Variants in ORC5 observed in about 807,000 individuals in gnomAD.
ORC5 encodes the protein protein phosphatase 1, regulatory subunit 117.
A neutral mutation model predicts 58.8 loss-of-function variants in ORC5; 39 were observed. That is an observed-to-expected ratio of 0.66 (90% CI 0.51 to 0.87). The LOEUF is 0.87. Ranked by LOEUF, ORC5 falls within the 40% of genes least tolerant of loss-of-function variation. ORC5 has a pLI of 0.00. For synonymous variants in ORC5, 218 were observed against 177.6 expected, an observed-to-expected ratio of 1.23 and a Z score of -1.81; for missense variants, 493 against 506.3, an observed-to-expected ratio of 0.97 and a Z score of 0.25.
intron 6 of ORC5, among the ~76,000 whole-genome samples, chr7:104,185,801 T>C (rs183409435): frequency 6.6e-6 from 1 of 151,182 alleles, no homozygotes; most frequent in African/African-American, 2.4e-5. Flanking sequence ...TTAAAAAAAA[T>C]ATATATATAT....
intron 12 of ORC5, among the ~76,000 whole-genome samples, chr7:104,143,158 T>C (rs1798701783): frequency 6.6e-6 from 1 of 152,314 alleles, no homozygotes; most frequent in African/African-American, 2.4e-5. Flanking sequence ...CTTAGTACTT[T>C]TTTTTTAATA....
intron 2 of ORC5, among the ~76,000 whole-genome samples, chr7:104,201,627 TAAA>T (rs59970161): frequency 0.12 from 16,112 of 131,334 alleles, 1,491 homozygotes; most frequent in African/African-American, 0.28. Context: ...CTGTCACTAT[TAAA>T]AAAAAAAAAA....
intron 12 of ORC5, among the ~76,000 whole-genome samples, chr7:104,153,383 A>G (rs1798875802): frequency 6.6e-6 from 1 of 152,122 alleles, no homozygotes; most frequent in Non-Finnish European, 1.5e-5. Context: ...AGAATCTAGA[A>G]AAGAGCCGGC....
chr7:104,144,688 C>G lies in ORC5; in HGVS notation c.1150-7795G>C, dbSNP rs184611032. On this transcript the variant is annotated intron_variant, in intron 12 of 13. Coordinates refer to ENST00000297431, the MANE Select transcript of ORC5 (RefSeq NM_002553.4). The stretch of plus-strand genomic sequence containing the variant: ...AGGAGAATCGCTTTAACTTGGGAGG[C>G]GGAGATTGCAGTGAGCTGAGATCGT... Among the ~76,000 whole-genome samples, 504 of 152,166 alleles carry G rather than the reference C, an allele frequency of 3.3e-3. 1 individual carries two copies. Among genetic ancestry groups the G allele is most frequent in the Non-Finnish European group, 4.3e-3 (293 of 67,996 alleles).
At chr7:104,186,210 T>A (rs1304191783) in intron 6 of ORC5, among the ~76,000 whole-genome samples, 1 of 133,200 alleles carries the variant, frequency 7.5e-6, no homozygotes, top group Non-Finnish European at 1.5e-5. Flanking sequence ...TGTCTACAGA[T>A]TTTTTTTTTT....
chr7:104,126,789 G>T lies in ORC5; in HGVS notation c.*59C>A. The stretch of plus-strand genomic sequence containing the variant: ...CTCTCCTTGGCCAGCTAAGTAGCTG[G>T]ATGAACACAGCTTGGCTTAGTCATT... On this transcript the variant is annotated 3_prime_UTR_variant, in exon 14 of 14. Transcript: ENST00000297431. 2 of 1,319,298 alleles carry T rather than the reference G, an allele frequency of 1.5e-6. No homozygotes were observed. Among genetic ancestry groups the T allele is most frequent in the Non-Finnish European group, 2.2e-6 (2 of 927,716 alleles). 81.7% of individuals were successfully genotyped at this position (1,319,298 alleles called of 1,614,324 possible). A position where few individuals can be genotyped will look rare whatever the true frequency, so the allele number is the denominator to read the frequency against.
At chr7:104,196,192 A>G (rs766192406) in intron 4 of ORC5, among the ~76,000 whole-genome samples, 5 of 152,080 alleles carry the variant, frequency 3.3e-5, no homozygotes, top group Non-Finnish European at 5.9e-5. Flanking sequence ...GATCACCATT[A>G]CTGGGCATAA....
At chr7:104,140,627 G>C (rs556447726) in intron 12 of ORC5, among the ~76,000 whole-genome samples, 3 of 152,110 alleles carry the variant, frequency 2.0e-5, no homozygotes, top group African/African-American at 7.2e-5. Flanking sequence ...TGGGAACCTG[G>C]GTGTCACTGT....
chr7:104,152,024 T>C (rs946602161), intron 12 of ORC5, among the ~76,000 whole-genome samples: 2 of 152,200 alleles, frequency 1.3e-5, no homozygotes, highest in South Asian at 2.1e-4. Context: ...TGTATGTCTA[T>C]AGATGGGCAG....
chr7:104,197,790 T>C lies in ORC5; in HGVS notation c.376A>G (p.Lys126Glu). 2 of 1,565,624 alleles carry C rather than the reference T, an allele frequency of 1.3e-6. No homozygotes were observed. The highest frequency in any genetic ancestry group is 2.0e-5 in the Admixed American group (1 of 50,328). ...KDQTVYIVLDKAEYLRDMEAN... is the reference protein window; with the variant it reads ...KDQTVYIVLDEAEYLRDMEAN... Reference sequence around the variant, plus strand: ...TCCATATCTCTTAGATACTCTGCTTTATCTAGAACCTTTAAAAAACAAAAA... The same window carrying C: ...TCCATATCTCTTAGATACTCTGCTTCATCTAGAACCTTTAAAAAACAAAAA... The change falls in exon 4 of 14, where the codon AAA (lysine) becomes GAA (glutamate). Residue 126 changes from lysine (K) to glutamate (E), a missense_variant. Around this residue, in one of 3 missense-constraint regions of ORC5, gnomAD observed 412 missense variants for 403.7 expected, o/e 1.02. Transcript: ENST00000297431.
chr7:104,207,973 C>T lies in ORC5; in HGVS notation c.-69G>A. On this transcript the variant is annotated 5_prime_UTR_variant, in exon 1 of 14. Transcript: ENST00000297431. ...GACCCTTGCACAAGACGGAGCCTCT[C>T]CCGAGTCTGGCGGCCCACGCTCCCG... 1 of 1,446,758 alleles carries T rather than the reference C, an allele frequency of 6.9e-7. No individual in the cohort carries two copies. The highest frequency in any genetic ancestry group is 9.7e-7 in the Non-Finnish European group (1 of 1,035,286). The allele number at this position is 1,446,758 out of a possible 1,614,324, so 89.6% of individuals were successfully genotyped here. A position where few individuals can be genotyped will look rare whatever the true frequency, so the allele number is the denominator to read the frequency against.
intron 8 of ORC5, 139 bp downstream of exon 8, chr7:104,183,804 T>C (rs1213122045): frequency 2.0e-5 from 12 of 607,406 alleles, no homozygotes; most frequent in Non-Finnish European, 3.2e-5. Context: ...TACTACAGCA[T>C]GTGCTTTCCC....
At chr7:104,174,098 C>T (rs1048330761) in intron 8 of ORC5, among the ~76,000 whole-genome samples, 9 of 152,052 alleles carry the variant, frequency 5.9e-5, no homozygotes, top group African/African-American at 1.9e-4. Context: ...CCCGCCTCGG[C>T]CTCCCAAAGT....
intron 8 of ORC5, among the ~76,000 whole-genome samples, chr7:104,175,431 G>C (rs1177034621): frequency 6.6e-6 from 1 of 152,062 alleles, no homozygotes; most frequent in Non-Finnish European, 1.5e-5. Context: ...AGAAACAAAG[G>C]GGGAAAAAGT....
At chr7:104,191,738 T>C (rs1799681795) in intron 5 of ORC5, among the ~76,000 whole-genome samples, 1 of 151,978 alleles carries the variant, frequency 6.6e-6, no homozygotes, top group Non-Finnish European at 1.5e-5. Context: ...ATCCCATCTA[T>C]AATAGAAAGC....
At chr7:104,175,859 T>C (rs184258339) in intron 8 of ORC5, among the ~76,000 whole-genome samples, 3 of 152,342 alleles carry the variant, frequency 2.0e-5, no homozygotes, top group Admixed American at 1.3e-4. Flanking sequence ...TTACTAATTC[T>C]AGGATACTTG....
chr7:104,203,700 T>G (rs921134208), intron 2 of ORC5, among the ~76,000 whole-genome samples: 3 of 152,298 alleles, frequency 2.0e-5, no homozygotes, highest in Admixed American at 6.5e-5. Context: ...TAAATTCAGC[T>G]CATGAAAGGT....
intron 4 of ORC5, among the ~76,000 whole-genome samples, chr7:104,196,020 G>C (rs918438821): frequency 6.6e-6 from 1 of 152,098 alleles, no homozygotes; most frequent in African/African-American, 2.4e-5. Flanking sequence ...TCTCTTAAAT[G>C]AAATACATTT....
At chr7:104,163,085 T>A (rs1799049742) in intron 11 of ORC5, among the ~76,000 whole-genome samples, 1 of 152,246 alleles carries the variant, frequency 6.6e-6, no homozygotes, top group African/African-American at 2.4e-5. Flanking sequence ...TTACAAATAA[T>A]CCTGTGACTG....
Sources: gnomAD v4.1 joint callset for allele counts (sites outside exome capture counted in the v4.1 genomes callset) on GRCh38, gnomAD v4.1.1 for gene constraint, gnomAD v4.1.1 regional missense constraint, MANE v1.5 for transcripts, NCBI Gene and HGNC (gene_info 2026-07-23, HGNC 2026-07-21) for gene names.